Variants in ALCAM observed in about 807,000 individuals in gnomAD.
The protein encoded by ALCAM is activated leukocyte cell adhesion molecule, also known as CD166 antigen.
A neutral mutation model predicts 70.9 loss-of-function variants in ALCAM; 30 were observed. The ratio of observed to expected loss-of-function variants is 0.42; its 90% CI spans 0.32 to 0.57. The LOEUF (loss-of-function observed/expected upper bound fraction) is 0.57, where lower values mean the gene tolerates loss of function less well. Among genes scored for constraint, ALCAM ranks in the 20% least tolerant of loss-of-function variants. The pLI, the probability that ALCAM is intolerant of heterozygous loss-of-function variation, is 0.11. For missense variants in ALCAM, 591 were observed against 695.1 expected, an observed-to-expected ratio of 0.85 and a Z score of 1.68; for synonymous variants, 249 against 242.5, an observed-to-expected ratio of 1.03 and a Z score of -0.25.
At chr3:105,475,401 A>C (rs943134520) in intron 1 of ALCAM, among the ~76,000 whole-genome samples, 2 of 151,994 alleles carry the variant, frequency 1.3e-5, no homozygotes, top group East Asian at 3.9e-4. Flanking sequence ...ATCTAGAAAA[A>C]TAAAACAGTA....
chr3:105,413,109 A>G (rs1263231244), intron 1 of ALCAM, among the ~76,000 whole-genome samples: 2 of 152,122 alleles, frequency 1.3e-5, no homozygotes, highest in Non-Finnish European at 2.9e-5. Context: ...TAGCATAGTG[A>G]CACGTGACCT....
chr3:105,381,858 CAG>C (rs1450383075), intron 1 of ALCAM, among the ~76,000 whole-genome samples: 1 of 151,742 alleles, frequency 6.6e-6, no homozygotes, highest in Non-Finnish European at 1.5e-5. Context: ...CCTCTGCCAT[CAG>C]AGTGATGTAA....
At chr3:105,570,082 C>G (rs1940829677) in intron 14 of ALCAM, among the ~76,000 whole-genome samples, 1 of 152,104 alleles carries the variant, frequency 6.6e-6, no homozygotes, top group Non-Finnish European at 1.5e-5. Context: ...AGGGTCTCTA[C>G]AGTTCTTTTG....
At chr3:105,447,606 C>T (rs1021143521) in intron 1 of ALCAM, among the ~76,000 whole-genome samples, 6 of 152,102 alleles carry the variant, frequency 3.9e-5, no homozygotes, top group African/African-American at 1.2e-4. Context: ...CCAGCTACTC[C>T]GGAGACTGAG....
intron 1 of ALCAM, among the ~76,000 whole-genome samples, chr3:105,389,371 GTTTTTTTTTT>G (rs371987714): frequency 7.2e-4 from 42 of 58,192 alleles, no homozygotes; most frequent in African/African-American, 1.4e-3. Flanking sequence ...TATATACATA[GTTTTTTTTTT>G]TTTTTTTTTT....
At chr3:105,403,019 T>C (rs1216443739) in intron 1 of ALCAM, among the ~76,000 whole-genome samples, 3 of 147,976 alleles carry the variant, frequency 2.0e-5, no homozygotes, top group African/African-American at 7.5e-5. Context: ...CAATCTCAGC[T>C]CATTGCAACC....
Position 105,392,516 on chromosome 3 carries a change from A to T in ALCAM, c.73+25035A>T, listed in dbSNP as rs549677231. ...TATTTTATTATTATAATTATTATTT[A>T]AAAAAAATAGCTCGTAGATTCATTG... On this transcript the variant is annotated intron_variant, in intron 1 of 15. Transcript: ENST00000306107. Among the ~76,000 whole-genome samples the T allele has an allele frequency of 2.6e-4, 39 of 147,866 alleles. No homozygotes were observed. In the South Asian group the frequency reaches 3.6e-3, roughly 13 times the overall value.
intron 1 of ALCAM, among the ~76,000 whole-genome samples, chr3:105,395,403 A>T (rs1430473708): frequency 2.0e-5 from 3 of 151,966 alleles, no homozygotes; most frequent in Non-Finnish European, 4.4e-5. Flanking sequence ...ACAGCAACAA[A>T]TGAGCTCTTA....
intron 1 of ALCAM, among the ~76,000 whole-genome samples, chr3:105,422,682 A>G (rs1383457568): frequency 6.6e-6 from 1 of 151,518 alleles, no homozygotes; most frequent in African/African-American, 2.4e-5. Context: ...AGAACATTCA[A>G]TAATAATAAG....
chr3:105,420,423 C>T (rs1170842125), intron 1 of ALCAM, among the ~76,000 whole-genome samples: 1 of 151,642 alleles, frequency 6.6e-6, no homozygotes, highest in Admixed American at 6.6e-5. Context: ...CCAACTTTGC[C>T]TCTGAGAATG....
intron 1 of ALCAM, among the ~76,000 whole-genome samples, chr3:105,379,393 G>A (rs1032807101): frequency 1.3e-5 from 2 of 151,696 alleles, no homozygotes; most frequent in Admixed American, 6.6e-5. Flanking sequence ...CTCAATGAAT[G>A]TCAAGTAACC....
intron 1 of ALCAM, among the ~76,000 whole-genome samples, chr3:105,442,378 G>A (rs1023874820): frequency 6.6e-6 from 1 of 152,134 alleles, no homozygotes; most frequent in African/African-American, 2.4e-5. Context: ...TTTACTTTAA[G>A]TGAATATTTA....
At chr3:105,486,439 G>A (rs940771357) in intron 1 of ALCAM, among the ~76,000 whole-genome samples, 2 of 152,034 alleles carry the variant, frequency 1.3e-5, no homozygotes, top group African/African-American at 4.8e-5. Flanking sequence ...TTCCAAATGG[G>A]CATTCAACGA....
intron 1 of ALCAM, among the ~76,000 whole-genome samples, chr3:105,431,301 T>C (rs1362112465): frequency 6.6e-6 from 1 of 152,134 alleles, no homozygotes; most frequent in Admixed American, 6.5e-5. Context: ...TTTGGCTGAC[T>C]TGGGCAGGGC....
intron 1 of ALCAM, among the ~76,000 whole-genome samples, chr3:105,472,223 G>A (rs778161848): frequency 5.6e-4 from 84 of 151,236 alleles, no homozygotes; most frequent in Non-Finnish European, 9.3e-4. Context: ...CAGTGCTACT[G>A]ATGCTCATTC....
chr3:105,446,399 A>C (rs190869133), intron 1 of ALCAM, among the ~76,000 whole-genome samples: 83 of 152,288 alleles, frequency 5.5e-4, no homozygotes, highest in Non-Finnish European at 1.0e-3. Flanking sequence ...CTATTATGGA[A>C]AACAGTATGT....
At chr3:105,410,948 A>G (rs1013725295) in intron 1 of ALCAM, among the ~76,000 whole-genome samples, 3 of 152,050 alleles carry the variant, frequency 2.0e-5, no homozygotes, top group African/African-American at 4.8e-5. Flanking sequence ...AAGGAATTCC[A>G]TATTTGGTTT....
chr3:105,391,319 G>A (rs773059986), intron 1 of ALCAM, among the ~76,000 whole-genome samples: 1 of 151,976 alleles, frequency 6.6e-6, no homozygotes, highest in African/African-American at 2.4e-5. Flanking sequence ...CACATCCCTT[G>A]TGTGTTGTAT....
intron 1 of ALCAM, among the ~76,000 whole-genome samples, chr3:105,463,723 A>G (rs1040918948): frequency 6.6e-6 from 1 of 151,362 alleles, no homozygotes; most frequent in Non-Finnish European, 1.5e-5. Flanking sequence ...CATTTTTCCC[A>G]GTGAATGTGT....
Sources: gnomAD v4.1 joint callset for allele counts (sites outside exome capture counted in the v4.1 genomes callset) on GRCh38, gnomAD v4.1.1 for gene constraint, MANE v1.5 for transcripts, NCBI Gene and HGNC (gene_info 2026-07-23, HGNC 2026-07-21) for gene names.